The following RAB11FIP4 variants were observed in gnomAD, a reference collection of about 807,000 sequenced individuals.
The protein encoded by RAB11FIP4 is RAB11 family interacting protein 4, also known as rab11 family-interacting protein 4.
A neutral mutation model predicts 74.3 loss-of-function variants in RAB11FIP4; 23 were observed. The ratio of observed to expected loss-of-function variants is 0.31; its 90% CI spans 0.22 to 0.44. RAB11FIP4 has a LOEUF of 0.44. Ranked by LOEUF, RAB11FIP4 falls within the 20% of genes least tolerant of loss-of-function variation. The pLI is 1.00. For missense variants in RAB11FIP4, 630 were observed against 863.9 expected, an observed-to-expected ratio of 0.73 and a Z score of 3.39; for synonymous variants, 360 against 359.9, an observed-to-expected ratio of 1.00 and a Z score of 0.00.
chr17:31,500,315 G>A (rs2072193671), intron 3 of RAB11FIP4, among the ~76,000 whole-genome samples: 1 of 152,134 alleles, frequency 6.6e-6, no homozygotes, highest in Non-Finnish European at 1.5e-5. Context: ...GCCAGCTGGC[G>A]TCCCTCTGAG....
At chr17:31,407,040 ATTTTTTT>A (rs59919036) in intron 1 of RAB11FIP4, among the ~76,000 whole-genome samples, 18 of 51,214 alleles carry the variant, frequency 3.5e-4, no homozygotes, top group East Asian at 2.3e-3. Flanking sequence ...GTTTCACTTG[ATTTTTTT>A]TTTTTTTTTT....
Position 31,531,618 on chromosome 17 carries a change from A to G in RAB11FIP4, c.1800A>G (p.Leu600=), listed in dbSNP as rs1474719438. Residue 600 remains leucine (L), a splice_region_variant and synonymous_variant, in exon 15 of 15, where the codon CTA becomes CTG. Transcript: ENST00000621161. The part of the protein sequence containing the change: ...AEIDTASRDE[L]MEALKEQEEI... ...CCCGTCTTTCCCATTTCCTTCAGCTAATGGAAGCCCTGAAGGAGCAGGAGG... is the reference window on the plus strand; with the variant it reads ...CCCGTCTTTCCCATTTCCTTCAGCTGATGGAAGCCCTGAAGGAGCAGGAGG... 3 of 1,605,902 alleles carry G rather than the reference A, an allele frequency of 1.9e-6. No homozygotes were observed. The highest frequency in any genetic ancestry group is 2.6e-6 in the Non-Finnish European group (3 of 1,172,596).
chr17:31,443,337 C>A (rs1343820511), intron 3 of RAB11FIP4, among the ~76,000 whole-genome samples: 1 of 152,072 alleles, frequency 6.6e-6, no homozygotes, highest in Non-Finnish European at 1.5e-5. Context: ...TTCATGATAC[C>A]AAATTTAAAA....
At chr17:31,511,271 CT>C (rs2072447104) in intron 3 of RAB11FIP4, among the ~76,000 whole-genome samples, 1 of 152,208 alleles carries the variant, frequency 6.6e-6, no homozygotes, top group African/African-American at 2.4e-5. Flanking sequence ...CCCGCGCCTC[CT>C]TTTGCCGTGT....
At chr17:31,418,207 G>A (rs1271460492) in intron 1 of RAB11FIP4, among the ~76,000 whole-genome samples, 1 of 152,164 alleles carries the variant, frequency 6.6e-6, no homozygotes, top group Non-Finnish European at 1.5e-5. Flanking sequence ...GGCCAACATG[G>A]TGAAACCTCG....
intron 3 of RAB11FIP4, among the ~76,000 whole-genome samples, chr17:31,508,558 G>T (rs1056563400): frequency 1.3e-5 from 2 of 152,238 alleles, no homozygotes; most frequent in Non-Finnish European, 2.9e-5. Context: ...CAGGCTGGAT[G>T]TGCTGGCCAG....
chr17:31,507,816 T>G (rs1207428758), intron 3 of RAB11FIP4, among the ~76,000 whole-genome samples: 1 of 147,454 alleles, frequency 6.8e-6, no homozygotes, highest in African/African-American at 2.6e-5. Context: ...ATATGTTTTG[T>G]TTTATTTTAT....
At chr17:31,529,480 C>T (rs1359109789) in intron 13 of RAB11FIP4, among the ~76,000 whole-genome samples, 2 of 152,084 alleles carry the variant, frequency 1.3e-5, no homozygotes, top group African/African-American at 4.8e-5. Flanking sequence ...CTATATTGCC[C>T]AGGCTTGAAC....
rs563063807 is a variant in RAB11FIP4, at chr17:31,533,345, C to T, written c.*1613C>T. ...CTGCACATAATGGGGTTGCACTGGT[C>T]TGACCCAGGACTTTGGAGCCACCCA... On this transcript the variant is annotated 3_prime_UTR_variant, in exon 15 of 15. Transcript: ENST00000621161. 1 of 152,380 alleles carries T rather than the reference C, an allele frequency of 6.6e-6. No homozygotes were observed. The highest frequency in any genetic ancestry group is 1.9e-4 in the East Asian group (1 of 5,176). 9.4% of individuals were successfully genotyped at this position (152,380 alleles called of 1,614,324 possible). A position where few individuals can be genotyped will look rare whatever the true frequency, so the allele number is the denominator to read the frequency against.
chr17:31,420,715 C>A (rs957821975), intron 1 of RAB11FIP4, among the ~76,000 whole-genome samples: 1 of 151,588 alleles, frequency 6.6e-6, no homozygotes, highest in Non-Finnish European at 1.5e-5. Context: ...TTTCTTTCCT[C>A]CCTTTTGCTT....
At chr17:31,429,757 A>G (rs1567652758) in intron 1 of RAB11FIP4, among the ~76,000 whole-genome samples, 1 of 137,470 alleles carries the variant, frequency 7.3e-6, no homozygotes, top group Non-Finnish European at 1.5e-5. Context: ...TGAACCTGGG[A>G]GGCGGAGCTT....
chr17:31,393,891 G>T (rs1054072325), intron 1 of RAB11FIP4, among the ~76,000 whole-genome samples: 3 of 151,858 alleles, frequency 2.0e-5, no homozygotes, highest in Non-Finnish European at 4.4e-5. Context: ...CAAGCAGACC[G>T]CCCCCCGCCG....
intron 7 of RAB11FIP4, 153 bp downstream of exon 7, chr17:31,522,548 G>C: frequency 1.5e-6 from 1 of 685,086 alleles, no homozygotes; most frequent in South Asian, 1.8e-5. Flanking sequence ...TGCAGCCAGG[G>C]CAGCGTCACT....
intron 1 of RAB11FIP4, among the ~76,000 whole-genome samples, chr17:31,416,711 A>C (rs1304233862): frequency 6.6e-6 from 1 of 152,092 alleles, no homozygotes; most frequent in African/African-American, 2.4e-5. Flanking sequence ...AGAGGGACAG[A>C]GCTAGGGGCA....
chr17:31,525,285 C>T (rs2072746499), intron 10 of RAB11FIP4, 55 bp downstream of exon 10: 2 of 1,492,954 alleles, frequency 1.3e-6, no homozygotes, highest in African/African-American at 1.4e-5. Flanking sequence ...CCTGGGGCAG[C>T]CCTGTGGGAT....
At chr17:31,440,268 T>C (rs2151631071) in intron 3 of RAB11FIP4, among the ~76,000 whole-genome samples, 1 of 152,334 alleles carries the variant, frequency 6.6e-6, no homozygotes, top group South Asian at 2.1e-4. Context: ...GTTCCTAATG[T>C]TGAATAGTCC....
chr17:31,397,352 G>A (rs572589180), intron 1 of RAB11FIP4, among the ~76,000 whole-genome samples: 1 of 152,314 alleles, frequency 6.6e-6, no homozygotes, highest in South Asian at 2.1e-4. Context: ...GAGAGGAAGA[G>A]CATCCTAACT....
In RAB11FIP4 at chr17:31,522,394, C is replaced by G; in HGVS notation, c.928C>G (p.Arg310Gly). 6.2e-7 allele frequency: 1 copy of G among 1,613,710 alleles called. No individual in the cohort carries two copies. Among genetic ancestry groups the G allele is most frequent in the Non-Finnish European group, 8.5e-7 (1 of 1,179,800 alleles). Residue 310 changes from arginine (R) to glycine (G), a missense_variant and splice_region_variant, in exon 7 of 15, where the codon CGG becomes GGG. Transcript: ENST00000621161. ...AAAGATCTCCAGCACGGCCTTTGGACGGTAAGGCCCGCCTCGAGGGAGGGC... is the reference window on the plus strand; with the variant it reads ...AAAGATCTCCAGCACGGCCTTTGGAGGGTAAGGCCCGCCTCGAGGGAGGGC... ...NRKISSTAFG[R>G]QLMHSSNFSS...
At chr17:31,486,834 C>T (rs2071908247) in intron 3 of RAB11FIP4, among the ~76,000 whole-genome samples, 1 of 152,184 alleles carries the variant, frequency 6.6e-6, no homozygotes, top group Non-Finnish European at 1.5e-5. Flanking sequence ...GTTCTGGGAG[C>T]TCCAGCGGCT....
Sources: allele counts gnomAD v4.1 joint callset (sites outside exome capture counted in the v4.1 genomes callset), GRCh38; gene constraint gnomAD v4.1.1; transcripts MANE v1.5; gene names NCBI Gene and HGNC (gene_info 2026-07-23, HGNC 2026-07-21).